The following NOX1 variants were observed in gnomAD, a reference collection of about 807,000 sequenced individuals.
NOX1 encodes the protein NADPH oxidase 1.
Under a neutral mutation model 42.5 loss-of-function variants are expected in NOX1, and 34 were observed. The ratio of observed to expected loss-of-function variants is 0.80; its 90% CI spans 0.61 to 1.07. The LOEUF is 1.07. Ranked by LOEUF, NOX1 falls within the 50% of genes least tolerant of loss-of-function variation. The probability of loss-of-function intolerance (pLI) is 0.00; values close to 1 mark genes in which losing one functional copy is unlikely to be tolerated. For synonymous variants in NOX1, 143 were observed against 152.5 expected, an observed-to-expected ratio of 0.94 and a Z score of 0.46; for missense variants, 408 against 427.0, an observed-to-expected ratio of 0.96 and a Z score of 0.39.
intron 7 of NOX1, among the ~76,000 whole-genome samples, chrX:100,860,120 A>G (rs771684209): frequency 1.8e-5 from 2 of 111,166 alleles, no homozygotes; most frequent in South Asian, 7.6e-4. Flanking sequence ...TTTGCATTTA[A>G]CATCTTAGAG....
At chrX:100,867,853 AAGAAAG>A (rs1291830825) in intron 2 of NOX1, among the ~76,000 whole-genome samples, 1 of 110,472 alleles carries the variant, frequency 9.1e-6, no homozygotes, top group Non-Finnish European at 1.9e-5. Context: ...AGAGAGAGAG[AAGAAAG>A]AGAAAGAAAA....
At chrX:100,873,045 CG>C (rs766437230) in intron 1 of NOX1, among the ~76,000 whole-genome samples, 98 of 30,658 alleles carry the variant, frequency 3.2e-3, no homozygotes, top group Non-Finnish European at 7.8e-3. Flanking sequence ...GGTCGGGGGG[CG>C]GGGGGGTAGA....
chrX:100,869,613 A>C (rs2085260282), intron 2 of NOX1, among the ~76,000 whole-genome samples: 3 of 107,759 alleles, frequency 2.8e-5, no homozygotes, highest in Non-Finnish European at 1.9e-5. Context: ...GCAAACAGGG[A>C]CAATTTGACT....
chrX:100,865,100 T>A (rs1242994630), intron 2 of NOX1, among the ~76,000 whole-genome samples: 1 of 112,315 alleles, frequency 8.9e-6, no homozygotes, highest in Non-Finnish European at 1.9e-5. Context: ...GAACAAAAGC[T>A]GCCCTACTGT....
At chrX:100,854,758 TG>T (rs1438246397) in intron 7 of NOX1, among the ~76,000 whole-genome samples, 1 of 111,707 alleles carries the variant, frequency 9.0e-6, no homozygotes, top group Non-Finnish European at 1.9e-5. Context: ...TCCCTTTTAA[TG>T]GTGAACTTCA....
chrX:100,853,314 C>CTT (rs536659157), intron 7 of NOX1, among the ~76,000 whole-genome samples: 41 of 81,992 alleles, frequency 5.0e-4, no homozygotes, highest in African/African-American at 1.6e-3. Flanking sequence ...TTCTTTCTTT[C>CTT]TTTCTTTCTC....
chrX:100,849,555 A>G (rs1254304955), intron 10 of NOX1, 129 bp from the exon 11 acceptor site: 15 of 749,580 alleles, frequency 2.0e-5, no homozygotes, highest in African/African-American at 1.7e-4. Flanking sequence ...GCCTTCCAAC[A>G]TCTTTGGTCA....
At chrX:100,864,135 G>A (rs1012114832) in intron 2 of NOX1, among the ~76,000 whole-genome samples, 12 of 111,065 alleles carry the variant, frequency 1.1e-4, no homozygotes, top group African/African-American at 3.3e-4. Flanking sequence ...GACTACAGGC[G>A]TGCACCACCA....
chrX:100,865,998 A>G (rs2085234234), intron 2 of NOX1, among the ~76,000 whole-genome samples: 1 of 112,002 alleles, frequency 8.9e-6, no homozygotes, highest in Non-Finnish European at 1.9e-5. Flanking sequence ...AAGCGGGTGG[A>G]TCACTTGAGG....
chrX:100,853,261 C>CTTTCTTTCTTTCT (rs2085129900), intron 7 of NOX1, among the ~76,000 whole-genome samples: 1 of 23,450 alleles, frequency 4.3e-5, no homozygotes. Context: ...TTCCTTCCTT[C>CTTTCTTTCTTTCT]CTTTCTTTCT....
intron 9 of NOX1, 69 bp downstream of exon 9, chrX:100,850,082 G>A (rs1281370072): frequency 4.9e-6 from 5 of 1,028,429 alleles, no homozygotes; most frequent in Non-Finnish European, 6.7e-6. Context: ...AAGATTCAAC[G>A]AAGAATTGCT....
chrX:100,843,957 A>C lies in NOX1; in HGVS notation c.1690T>G (p.Phe564Val). ...ACCGTCCTTATTCCTATAACTCAAAAATTTTCTTTGTTGAAGTAGAATTGA... is the reference window on the plus strand; with the variant it reads ...ACCGTCCTTATTCCTATAACTCAAACATTTTCTTTGTTGAAGTAGAATTGA... ...KVQFYFNKEN[F>V] is the part of the protein sequence containing the mutation. The change falls in exon 13 of 13, where the codon TTT (phenylalanine) becomes GTT (valine). Residue 564 changes from phenylalanine (F) to valine (V), a missense_variant. Physicochemically the swap from Phe to Val is conservative, Grantham distance 50. Transcript: ENST00000372966. 1 of 1,204,666 alleles carries C rather than the reference A, an allele frequency of 8.3e-7. No individual in the cohort carries two copies.
At chrX:100,847,313 C>T (rs960101644) in intron 12 of NOX1, among the ~76,000 whole-genome samples, 3 of 111,905 alleles carry the variant, frequency 2.7e-5, no homozygotes, top group African/African-American at 9.7e-5. Flanking sequence ...CTTTTCTTCC[C>T]TCCAGCATCC....
intron 2 of NOX1, among the ~76,000 whole-genome samples, chrX:100,864,455 TG>T (rs1486884020): frequency 8.9e-6 from 1 of 112,624 alleles, no homozygotes; most frequent in East Asian, 2.8e-4. Flanking sequence ...CTATTTAAGA[TG>T]TCTTTAAAAA....
At chrX:100,853,261 C>CCTTTCTTTCTTTCTTTCTTTCTTTCTTT (rs1177925812) in intron 7 of NOX1, among the ~76,000 whole-genome samples, 2 of 23,450 alleles carry the variant, frequency 8.5e-5, no homozygotes, top group Non-Finnish European at 1.4e-4. Context: ...TTCCTTCCTT[C>CCTTTCTTTCTTTCTTTCTTTCTTTCTTT]CTTTCTTTCT....
chrX:100,854,246 A>G (rs918956727), intron 7 of NOX1, among the ~76,000 whole-genome samples: 1 of 112,386 alleles, frequency 8.9e-6, no homozygotes, highest in African/African-American at 3.2e-5. Flanking sequence ...ATTTACTTCT[A>G]GTATTTTTTG....
chrX:100,855,537 C>T (rs778956672), intron 7 of NOX1: 11 of 753,344 alleles, frequency 1.5e-5, no homozygotes, highest in Admixed American at 4.5e-5. Flanking sequence ...TCCCTTGTTA[C>T]AGCTGTCATA....
At chrX:100,858,301 T>A (rs768832905) in intron 7 of NOX1, among the ~76,000 whole-genome samples, 1 of 112,230 alleles carries the variant, frequency 8.9e-6, no homozygotes, top group Non-Finnish European at 1.9e-5. Context: ...TGTCTGTTTT[T>A]ATACCAGTAC....
chrX:100,862,264 C>T lies in NOX1; in HGVS notation c.711G>A (p.Glu237=). The T allele has an allele frequency of 8.3e-7, 1 of 1,210,385 alleles. No individual in the cohort carries two copies. The highest frequency in any genetic ancestry group is 1.1e-6 in the Non-Finnish European group (1 of 894,697). Residue 237 remains glutamate, a synonymous_variant, in exon 7 of 13, where the codon GAG becomes GAA. Transcript: ENST00000372966. ...VRGQTEESMN[E]SHPRKCAESF... ...ACTCTGCACACTTGCGAGGATGACT[C>T]TCATTCATGCTCTCCTCTGTTTGAC...
Sources: gnomAD v4.1 joint callset for allele counts (sites outside exome capture counted in the v4.1 genomes callset) on GRCh38, gnomAD v4.1.1 for gene constraint, MANE v1.5 for transcripts, NCBI Gene and HGNC (gene_info 2026-07-23, HGNC 2026-07-21) for gene names.